DBF4: variants seen among roughly 807,000 people sequenced by gnomAD.
DBF4 encodes the protein protein DBF4 homolog A.
In DBF4, 25 loss-of-function variants were observed where a neutral mutation model predicts 76.6. The observed-to-expected ratio is 0.33, with a 90% CI of 0.24 to 0.46. The LOEUF is 0.46. DBF4 is among the 20% of genes least tolerant of loss of function. The pLI, the probability that DBF4 is intolerant of heterozygous loss-of-function variation, is 1.00. For synonymous variants in DBF4, 213 were observed against 258.0 expected, an observed-to-expected ratio of 0.83 and a Z score of 1.67; for missense variants, 638 against 760.8, an observed-to-expected ratio of 0.84 and a Z score of 1.90.
At chr7:87,887,300 G>T (rs774553682) in intron 4 of DBF4, 29 bp from the exon 5 acceptor site, 1 of 1,416,698 alleles carries the variant, frequency 7.1e-7, no homozygotes, top group South Asian at 1.3e-5. Flanking sequence ...TAATTTCCTA[G>T]AACAACCATA....
chr7:87,904,266 G>C, intron 10 of DBF4, 26 bp from the exon 11 acceptor site: 1 of 1,570,108 alleles, frequency 6.4e-7, no homozygotes, highest in Non-Finnish European at 8.6e-7. Flanking sequence ...ACAATTTTTT[G>C]ATACATGTTT....
rs544831193 is a variant in DBF4 at position 87,904,072 on chromosome 7, T to G, written c.925-220T>G. Among the ~76,000 whole-genome samples, 3 of 152,350 alleles carry G rather than the reference T, an allele frequency of 2.0e-5. No individual in the cohort carries two copies. In the South Asian group the frequency reaches 6.2e-4, roughly 32 times the overall value. On this transcript the variant is annotated intron_variant, in intron 10 of 11. Transcript: ENST00000265728. ...CAAATTAGTACTTGTCTTTTCTCAC[T>G]GAAGACTAAAAACCAAAGTAGTTTT...
chr7:87,900,984 CA>C, intron 10 of DBF4, 106 bp downstream of exon 10: 1 of 931,722 alleles, frequency 1.1e-6, no homozygotes, highest in East Asian at 2.4e-5. Context: ...TTTAAGAACT[CA>C]AGGGAGGAAA....
In DBF4 at chr7:87,876,590, C is replaced by T. The variant is rs1054853593; in HGVS notation, c.-143C>T. On this transcript the variant is annotated 5_prime_UTR_variant, in exon 1 of 12. Transcript: ENST00000265728. Reference sequence around the variant, plus strand: ...GCCCCGGAAACCCGACCTGCAGACGCGGTACCTCTACTGCGTAGAGGCCGT... The same window carrying T: ...GCCCCGGAAACCCGACCTGCAGACGTGGTACCTCTACTGCGTAGAGGCCGT... 2 of 884,556 alleles carry T rather than the reference C, an allele frequency of 2.3e-6. No individual in the cohort carries two copies. Among genetic ancestry groups the T allele is most frequent in the African/African-American group, 1.7e-5 (1 of 59,874 alleles). The allele number at this position is 884,556 out of a possible 1,614,324, so 54.8% of individuals were successfully genotyped here.
rs756833392 is a variant in DBF4, at chr7:87,904,243, C to A, written c.925-49C>A. On this transcript the variant is annotated intron_variant, in intron 10 of 11. Coordinates refer to ENST00000265728, the MANE Select transcript of DBF4 (RefSeq NM_006716.4). ...GAAAACCTTAATTAAAAAGGCATCT[C>A]TTGATTTTAAATACAATTTTTTGAT... 3.9e-6 allele frequency: 6 copies of A among 1,547,520 alleles called. No homozygotes were observed. The South Asian group carries it at 7.4e-5, about 19-fold the overall frequency.
In DBF4 at chr7:87,907,353, T is replaced by C. The variant is rs149073266; in HGVS notation, c.1215T>C (p.Thr405=). 1.2e-6 allele frequency: 2 copies of C among 1,613,934 alleles called. No individual in the cohort carries two copies. The highest frequency in any genetic ancestry group is 1.7e-6 in the Non-Finnish European group (2 of 1,179,904). Residue 405 remains threonine (T), a synonymous_variant, in exon 12 of 12, where the codon ACT becomes ACC. Coordinates refer to ENST00000265728, the MANE Select transcript of DBF4 (RefSeq NM_006716.4). ...TCCTGTATAAAGAGACCCAGGAAAC[T>C]GAAAAAAAGCTCCTGTTTATTTCAG... ...QNFLYKETQE[T]EKKLLFISEP... is the part of the protein sequence containing the mutation.
At chr7:87,899,224 T>A (rs1430884664) in intron 8 of DBF4, among the ~76,000 whole-genome samples, 1 of 152,108 alleles carries the variant, frequency 6.6e-6, no homozygotes, top group East Asian at 1.9e-4. Context: ...GATAAAATAA[T>A]TAAATTGGAC....
At chr7:87,896,271 A>G (rs1455279506) in intron 6 of DBF4, 1 of 419,976 alleles carries the variant, frequency 2.4e-6, no homozygotes, top group East Asian at 3.9e-5. Flanking sequence ...TGAAGTCAAA[A>G]TCAATTATAG....
At chr7:87,897,391 A>G (rs770290055) in intron 8 of DBF4, 52 bp downstream of exon 8, 3 of 1,539,330 alleles carry the variant, frequency 1.9e-6, no homozygotes, top group Non-Finnish European at 2.7e-6. Context: ...TAAAGAGGAA[A>G]ATCACCTAAC....
chr7:87,879,813 C>G (rs546023818), intron 2 of DBF4, among the ~76,000 whole-genome samples: 4 of 152,218 alleles, frequency 2.6e-5, no homozygotes, highest in African/African-American at 9.6e-5. Context: ...ATTAGCCAAG[C>G]ATGGTGGTGC....
intron 10 of DBF4, among the ~76,000 whole-genome samples, chr7:87,902,204 C>T (rs1403854259): frequency 1.3e-5 from 2 of 152,012 alleles, no homozygotes; most frequent in East Asian, 3.9e-4. Context: ...CAGTGGTTGC[C>T]ACAAAGAAGA....
intron 11 of DBF4, among the ~76,000 whole-genome samples, chr7:87,906,755 T>G (rs1839924107): frequency 6.6e-6 from 1 of 152,204 alleles, no homozygotes; most frequent in African/African-American, 2.4e-5. Flanking sequence ...TCCACATTGC[T>G]AAGTAAAATG....
At position 87,876,796 on chromosome 7, in the gene DBF4, C is replaced by A; in HGVS notation, c.46+18C>A. The A allele has an allele frequency of 6.2e-7, 1 of 1,613,720 alleles. No homozygotes were observed. Among genetic ancestry groups the A allele is most frequent in the Non-Finnish European group, 8.5e-7 (1 of 1,179,634 alleles). On this transcript the variant is annotated intron_variant, in intron 1 of 11. Transcript: ENST00000265728. ...TTTCCAGGGTAAGAAGCCCCTCCTC[C>A]GCCTGCAGTCCCTTTAATCCTTTCC...
chr7:87,905,372 TCA>T (rs1268301251), intron 11 of DBF4, among the ~76,000 whole-genome samples: 1 of 152,218 alleles, frequency 6.6e-6, no homozygotes. Context: ...TACCATTTAC[TCA>T]GACTAAAACA....
At chr7:87,881,123 C>G (rs1839203040) in intron 2 of DBF4, among the ~76,000 whole-genome samples, 1 of 152,134 alleles carries the variant, frequency 6.6e-6, no homozygotes, top group African/African-American at 2.4e-5. Flanking sequence ...AAAAATGAAT[C>G]CAGCCAGGCT....
chr7:87,879,163 G>A (rs1009754893), intron 2 of DBF4, among the ~76,000 whole-genome samples: 2 of 152,214 alleles, frequency 1.3e-5, no homozygotes, highest in East Asian at 3.9e-4. Flanking sequence ...TGCCCAGGCT[G>A]GTCTCAAACT....
intron 10 of DBF4, among the ~76,000 whole-genome samples, chr7:87,903,888 G>T (rs1328566209): frequency 6.6e-6 from 1 of 151,752 alleles, no homozygotes; most frequent in South Asian, 2.1e-4. Context: ...TAGAGATAGG[G>T]TTTCACCATG....
At chr7:87,883,847 T>A (rs1395579182) in intron 2 of DBF4, among the ~76,000 whole-genome samples, 1 of 152,220 alleles carries the variant, frequency 6.6e-6, no homozygotes, top group Non-Finnish European at 1.5e-5. Context: ...TGCTTATTAA[T>A]GATTCACAGT....
chr7:87,888,465 G>T (rs760678152), intron 6 of DBF4: 6 of 308,620 alleles, frequency 1.9e-5, no homozygotes, highest in Non-Finnish European at 2.8e-5. Context: ...TAGCTAACTG[G>T]CCTGACCTTG....
Sources: allele counts gnomAD v4.1 joint callset (sites outside exome capture counted in the v4.1 genomes callset), GRCh38; gene constraint gnomAD v4.1.1; transcripts MANE v1.5; gene names NCBI Gene and HGNC (gene_info 2026-07-23, HGNC 2026-07-21).